NRXN1: variants seen among roughly 807,000 people sequenced by gnomAD.
NRXN1 encodes the protein neurexin 1.
A neutral mutation model predicts 150.9 loss-of-function variants in NRXN1; 39 were observed. The observed-to-expected ratio is 0.26, with a 90% CI of 0.20 to 0.34. The LOEUF is 0.34. Among genes scored for constraint, NRXN1 ranks in the 10% least tolerant of loss-of-function variants. The pLI, the probability that NRXN1 is intolerant of heterozygous loss-of-function variation, is 1.00. For synonymous variants in NRXN1, 924 were observed against 757.0 expected (o/e 1.22, Z -3.62); for missense variants, 1,815 against 1,949.9 (o/e 0.93, Z 1.30).
chr2:50,266,629 T>C (rs2068931431), intron 17 of NRXN1, among the ~76,000 whole-genome samples: 1 of 150,410 alleles, frequency 6.6e-6, no homozygotes. Flanking sequence ...GTAATAAGAG[T>C]GTGTGGCCAG....
At chr2:50,618,959 T>A in intron 8 of NRXN1, 1 of 152,122 alleles carries the variant, frequency 6.6e-6, no homozygotes, top group Non-Finnish European at 1.5e-5. Context: ...GTTAAAACTA[T>A]TGCACCTTTA....
chr2:50,503,415 A>C (rs540309940), intron 13 of NRXN1, among the ~76,000 whole-genome samples: 31 of 152,220 alleles, frequency 2.0e-4, no homozygotes, highest in African/African-American at 6.7e-4. Context: ...AATGAAACTC[A>C]CACTGGCAAA....
At chr2:50,580,690 T>C (rs903667560) in intron 8 of NRXN1, among the ~76,000 whole-genome samples, 3 of 152,136 alleles carry the variant, frequency 2.0e-5, no homozygotes, top group African/African-American at 7.2e-5. Flanking sequence ...CAACACATTC[T>C]AGATATCTGA....
chr2:50,965,454 T>A (rs1390858587), intron 2 of NRXN1, among the ~76,000 whole-genome samples: 1 of 151,468 alleles, frequency 6.6e-6, no homozygotes, highest in Non-Finnish European at 1.5e-5. Flanking sequence ...AAAATAACCG[T>A]TTGATTTTTA....
Position 50,494,230 on chromosome 2 carries a change from C to CT in NRXN1, c.3070+1674dup, listed in dbSNP as rs377230146. Among the ~76,000 whole-genome samples, 114 of 151,334 alleles carry CT rather than the reference C, an allele frequency of 7.5e-4. 1 individual carries two copies. The highest frequency in any genetic ancestry group is 2.4e-3 in the African/African-American group (98 of 41,272). ...ACATACTTCAACCAATTATAAACTG[C>CT]TTTTTTTTTAGCCATTTTAATTTCC... is the stretch of plus-strand genomic sequence containing the variant. On this transcript the variant is annotated intron_variant, in intron 15 of 22. Transcript: ENST00000401669.
At chr2:50,336,303 C>T (rs2077186643) in intron 17 of NRXN1, among the ~76,000 whole-genome samples, 1 of 152,122 alleles carries the variant, frequency 6.6e-6, no homozygotes, top group South Asian at 2.1e-4. Flanking sequence ...CTGAATGTTG[C>T]TCCAACTTAT....
intron 21 of NRXN1, among the ~76,000 whole-genome samples, chr2:49,975,842 G>C (rs1678871676): frequency 6.6e-6 from 1 of 152,010 alleles, no homozygotes; most frequent in African/African-American, 2.4e-5. Flanking sequence ...CAGCCTTACA[G>C]GTGAAATACT....
intron 18 of NRXN1, among the ~76,000 whole-genome samples, chr2:50,184,696 G>T (rs79576248): frequency 0.037 from 5,568 of 151,310 alleles, 139 homozygotes; most frequent in Middle Eastern, 0.054. Context: ...GTAGTGTGCT[G>T]TCTCTCTCTG....
intron 17 of NRXN1, among the ~76,000 whole-genome samples, chr2:50,257,230 T>A (rs1005472660): frequency 3.9e-5 from 6 of 152,088 alleles, no homozygotes; most frequent in African/African-American, 1.4e-4. Flanking sequence ...ACCGATAATC[T>A]ATTACCTTTT....
At chr2:50,177,303 C>G (rs1269968816) in intron 18 of NRXN1, among the ~76,000 whole-genome samples, 2 of 152,048 alleles carry the variant, frequency 1.3e-5, no homozygotes, top group African/African-American at 4.8e-5. Flanking sequence ...TCCAGAAAAT[C>G]AGATAACTTA....
intron 18 of NRXN1, among the ~76,000 whole-genome samples, chr2:50,139,767 T>C (rs558110322): frequency 6.6e-6 from 1 of 152,266 alleles, no homozygotes; most frequent in African/African-American, 2.4e-5. Context: ...GACTATTCTA[T>C]CTATACTAAG....
intron 18 of NRXN1, among the ~76,000 whole-genome samples, chr2:50,128,740 G>T (rs891182720): frequency 6.6e-6 from 1 of 151,988 alleles, no homozygotes; most frequent in Non-Finnish European, 1.5e-5. Context: ...CCAGCTCTTT[G>T]GGGGAGCTGA....
rs370912395 is a variant in NRXN1 at position 51,027,850 on chromosome 2, A to C, written c.424T>G (p.Ser142Ala). 1.1e-5 allele frequency: 18 copies of C among 1,613,142 alleles called. No homozygotes were observed. Among genetic ancestry groups the C allele is most frequent in the Non-Finnish European group, 1.4e-5 (17 of 1,179,680 alleles). The change falls in exon 2 of 23, where the codon TCC becomes GCC. Residue 142 changes from serine (S) to alanine (A), a missense_variant. Ser to Ala is a moderately conservative substitution (Grantham distance 99). Coordinates refer to ENST00000401669, the MANE Select transcript of NRXN1 (RefSeq NM_001330078.2). Reference protein sequence around the residue: ...QVEAKWVEVKSKRRDMTVFSG... With the variant: ...QVEAKWVEVKAKRRDMTVFSG... ...AACACCGTCATGTCCCTGCGCTTGG[A>C]CTTGACCTCCACCCACTTGGCCTCC...
rs983792927 is a variant in NRXN1 at position 50,006,662 on chromosome 2, C to G, written c.4128+46609G>C. Among the ~76,000 whole-genome samples, 7 of 152,278 alleles carry G rather than the reference C, an allele frequency of 4.6e-5. No homozygotes were observed. In the South Asian group the frequency reaches 1.0e-3, roughly 23 times the overall value. On this transcript the variant is annotated intron_variant, in intron 21 of 22. Coordinates refer to ENST00000401669, the MANE Select transcript of NRXN1 (RefSeq NM_001330078.2). The stretch of plus-strand genomic sequence containing the variant: ...CTTTAAAGAAACAAATGAAATGCCT[C>G]TTCCACAATGATGTATGTCAAGAAT...
At chr2:49,994,635 T>C (rs1682614585) in intron 21 of NRXN1, among the ~76,000 whole-genome samples, 1 of 152,074 alleles carries the variant, frequency 6.6e-6, no homozygotes, top group Admixed American at 6.5e-5. Flanking sequence ...ACATCACAGC[T>C]GAGGGAACTA....
At chr2:50,184,853 T>C (rs1291045113) in intron 18 of NRXN1, among the ~76,000 whole-genome samples, 4 of 152,112 alleles carry the variant, frequency 2.6e-5, no homozygotes, top group Non-Finnish European at 4.4e-5. Context: ...TTGCTAACAG[T>C]GGAACCGAGT....
intron 17 of NRXN1, among the ~76,000 whole-genome samples, chr2:50,240,340 T>A (rs2065897619): frequency 6.6e-6 from 1 of 151,804 alleles, no homozygotes; most frequent in African/African-American, 2.4e-5. Flanking sequence ...ATTGTACTCA[T>A]CAGCACAATT....
chr2:50,306,699 C>T (rs2074643012), intron 17 of NRXN1, among the ~76,000 whole-genome samples: 1 of 152,172 alleles, frequency 6.6e-6, no homozygotes, highest in Non-Finnish European at 1.5e-5. Context: ...TGTGCCCCTC[C>T]TCCTACACTT....
chr2:50,234,354 C>T (rs547681674), intron 18 of NRXN1, among the ~76,000 whole-genome samples: 5 of 151,964 alleles, frequency 3.3e-5, no homozygotes, highest in African/African-American at 9.6e-5. Flanking sequence ...ATTAGCTGGG[C>T]GTGGTGGTGG....
Sources: gnomAD v4.1 joint callset for allele counts (sites outside exome capture counted in the v4.1 genomes callset) on GRCh38, gnomAD v4.1.1 for gene constraint, MANE v1.5 for transcripts, NCBI Gene and HGNC (gene_info 2026-07-23, HGNC 2026-07-21) for gene names.